FAM135B: variants seen among roughly 807,000 people sequenced by gnomAD.
The protein encoded by FAM135B is family with sequence similarity 135 member B, also known as protein FAM135B.
Under a neutral mutation model 127.7 loss-of-function variants are expected in FAM135B, and 43 were observed. That is an observed-to-expected ratio of 0.34 (90% CI 0.26 to 0.43). The LOEUF (loss-of-function observed/expected upper bound fraction) is 0.43, where lower values mean the gene tolerates loss of function less well. Ranked by LOEUF, FAM135B falls within the 20% of genes least tolerant of loss-of-function variation. FAM135B has a pLI of 1.00. For missense variants in FAM135B, 1,558 were observed against 1,725.6 expected, an observed-to-expected ratio of 0.90 and a Z score of 1.72; for synonymous variants, 670 against 665.1, an observed-to-expected ratio of 1.01 and a Z score of -0.11.
chr8:138,256,034 T>C (rs1434797712), intron 5 of FAM135B, among the ~76,000 whole-genome samples: 1 of 152,108 alleles, frequency 6.6e-6, no homozygotes, highest in Non-Finnish European at 1.5e-5. Context: ...AAAGAAGTTA[T>C]ACAATGGATG....
At chr8:138,380,829 AG>A (rs1831807168) in intron 1 of FAM135B, among the ~76,000 whole-genome samples, 1 of 62,610 alleles carries the variant, frequency 1.6e-5, no homozygotes, top group Non-Finnish European at 3.4e-5. Flanking sequence ...GATGAATCTC[AG>A]TTATACCCAC....
At chr8:138,211,728 T>C (rs1818157829) in intron 7 of FAM135B, among the ~76,000 whole-genome samples, 1 of 152,192 alleles carries the variant, frequency 6.6e-6, no homozygotes, top group East Asian at 1.9e-4. Flanking sequence ...ATACCATGGA[T>C]GTATATGCAG....
intron 1 of FAM135B, among the ~76,000 whole-genome samples, chr8:138,373,228 C>A (rs372364934): frequency 6.6e-6 from 1 of 152,098 alleles, no homozygotes. Context: ...CGGCTGAAGC[C>A]ATGGCAGAAG....
chr8:138,362,574 G>A (rs1317056588), intron 2 of FAM135B, among the ~76,000 whole-genome samples: 7 of 152,152 alleles, frequency 4.6e-5, no homozygotes, highest in Non-Finnish European at 2.9e-5. Context: ...TTTGTCAGCT[G>A]TGTGTACTTG....
chr8:138,444,220 C>G (rs536273344), intron 1 of FAM135B, among the ~76,000 whole-genome samples: 1 of 152,288 alleles, frequency 6.6e-6, no homozygotes, highest in Admixed American at 6.5e-5. Context: ...TAACACCCCA[C>G]TGTCAACATT....
At chr8:138,453,164 A>C (rs1294509535) in intron 1 of FAM135B, among the ~76,000 whole-genome samples, 8 of 152,186 alleles carry the variant, frequency 5.3e-5, no homozygotes, top group Non-Finnish European at 8.8e-5. Flanking sequence ...CTGTAAGACC[A>C]AAAGCTAAGA....
At chr8:138,324,765 C>T (rs1827687135) in intron 2 of FAM135B, among the ~76,000 whole-genome samples, 1 of 152,174 alleles carries the variant, frequency 6.6e-6, no homozygotes, top group South Asian at 2.1e-4. Flanking sequence ...GAGCCTGAGA[C>T]TCAAGCCCAA....
In FAM135B at chr8:138,240,251, C is replaced by T. The variant is rs72723654; in HGVS notation, c.669+2691G>A. On this transcript the variant is annotated intron_variant, in intron 7 of 19. Coordinates refer to ENST00000395297, the MANE Select transcript of FAM135B (RefSeq NM_015912.4). Reference sequence around the variant, plus strand: ...TTTGTAACCAGAGTCTGCTTTCTACCGCATTGTAACAGTCTCCGAGATAGA... The same window carrying T: ...TTTGTAACCAGAGTCTGCTTTCTACTGCATTGTAACAGTCTCCGAGATAGA... Among the ~76,000 whole-genome samples the T allele has an allele frequency of 3.2e-3, 489 of 152,290 alleles. 4 individuals carry two copies. Among genetic ancestry groups the T allele is most frequent in the Non-Finnish European group, 5.1e-3 (350 of 68,022 alleles).
intron 1 of FAM135B, among the ~76,000 whole-genome samples, chr8:138,375,131 G>A (rs191227268): frequency 1.3e-5 from 2 of 150,898 alleles, no homozygotes; most frequent in Admixed American, 6.6e-5. Context: ...TGCCAGCTCT[G>A]GCAAAAAAAA....
intron 3 of FAM135B, among the ~76,000 whole-genome samples, chr8:138,310,073 G>A (rs6577911): frequency 0.94 from 142,344 of 151,968 alleles, 66,995 homozygotes; most frequent in Non-Finnish European, 0.98. Context: ...GTTTCACCTT[G>A]TTGACCAGGC....
chr8:138,339,266 A>T (rs10112372), intron 2 of FAM135B, among the ~76,000 whole-genome samples: 79,013 of 151,804 alleles, frequency 0.52, 22,330 homozygotes, highest in Non-Finnish European at 0.65. Flanking sequence ...TAATTTAAAA[A>T]AAAACCTAAA....
chr8:138,164,426 C>T lies in FAM135B; in HGVS notation c.1258+3469G>A, dbSNP rs115758565. 3.4e-3 allele frequency among the ~76,000 whole-genome samples: 512 copies of T among 152,300 alleles called. 2 individuals are homozygous for T. Among genetic ancestry groups the T allele is most frequent in the African/African-American group, 0.011 (445 of 41,574 alleles). ...TCAACACAGAAGCTGCAAAGAGAGGCTGGTCCTAAAATATGACATTGTGAA... is the reference window on the plus strand; with the variant it reads ...TCAACACAGAAGCTGCAAAGAGAGGTTGGTCCTAAAATATGACATTGTGAA... On this transcript the variant is annotated intron_variant, in intron 12 of 19. Coordinates refer to ENST00000395297, the MANE Select transcript of FAM135B (RefSeq NM_015912.4).
intron 1 of FAM135B, among the ~76,000 whole-genome samples, chr8:138,395,486 G>A (rs1405324105): frequency 3.3e-5 from 5 of 152,126 alleles, no homozygotes; most frequent in Non-Finnish European, 7.3e-5. Flanking sequence ...CTTACCACCT[G>A]GGTGACCTTT....
intron 7 of FAM135B, among the ~76,000 whole-genome samples, chr8:138,210,845 T>C (rs1288360327): frequency 1.3e-5 from 2 of 152,204 alleles, no homozygotes; most frequent in Non-Finnish European, 2.9e-5. Context: ...ACATATTCTA[T>C]GTTCTGATAC....
intron 1 of FAM135B, among the ~76,000 whole-genome samples, chr8:138,456,971 T>C (rs116390949): frequency 1.5e-3 from 223 of 149,700 alleles, no homozygotes; most frequent in African/African-American, 4.7e-3. Flanking sequence ...TGGGAAGCTT[T>C]GGGGAGAACA....
intron 1 of FAM135B, among the ~76,000 whole-genome samples, chr8:138,448,113 A>G (rs1483532021): frequency 6.9e-6 from 1 of 145,176 alleles, no homozygotes; most frequent in African/African-American, 2.7e-5. Context: ...AGAGGTCAGA[A>G]AAAAAAAAAA....
At position 138,316,373 on chromosome 8, in the gene FAM135B, A is replaced by G. The variant is rs371117699; in HGVS notation, c.78-5453T>C. ...GCCAGGCGCAGTGGCGGGCGCCTGT[A>G]GTCCCAGCTACTCGGGAGGCTGAGG... On this transcript the variant is annotated intron_variant, in intron 2 of 19. Coordinates refer to ENST00000395297, the MANE Select transcript of FAM135B (RefSeq NM_015912.4). Among the ~76,000 whole-genome samples the G allele has an allele frequency of 7.6e-3, 1,153 of 151,206 alleles. 17 individuals carry two copies. Among genetic ancestry groups the G allele is most frequent in the African/African-American group, 0.023 (948 of 40,686 alleles).
intron 12 of FAM135B, among the ~76,000 whole-genome samples, chr8:138,159,022 C>T (rs200201668): frequency 3.3e-5 from 5 of 151,548 alleles, no homozygotes; most frequent in Non-Finnish European, 5.9e-5. Context: ...CCTGTAATCC[C>T]AGCACTTTGG....
rs2130540623 is a variant in FAM135B at position 138,137,219 on chromosome 8, G to T, written c.3943C>A (p.Gln1315Lys). 2 of 1,612,192 alleles carry T rather than the reference G, an allele frequency of 1.2e-6. No individual in the cohort carries two copies. The highest frequency in any genetic ancestry group is 1.7e-6 in the Non-Finnish European group (2 of 1,178,246). Residue 1315 changes from glutamine (Q) to lysine (K), a missense_variant, in exon 19 of 20, where the codon CAA (glutamine) becomes AAA (lysine). Physicochemically the swap from Gln to Lys is moderately conservative, Grantham distance 53. Around this residue, in one of 5 missense-constraint regions of FAM135B, gnomAD observed 194 missense variants for 333.8 expected, o/e 0.58. Coordinates refer to ENST00000395297, the MANE Select transcript of FAM135B (RefSeq NM_015912.4). ...GAATGAAATGGCACATAACGGTCTT[G>T]GGGAGAAGCAACCAGCACGACGTTT... ...FKNVVLVASP[Q>K]DRYVPFHSAR...
Sources: gnomAD v4.1 joint callset for allele counts (sites outside exome capture counted in the v4.1 genomes callset) on GRCh38, gnomAD v4.1.1 for gene constraint, gnomAD v4.1.1 regional missense constraint, MANE v1.5 for transcripts, NCBI Gene and HGNC (gene_info 2026-07-23, HGNC 2026-07-21) for gene names.